MSRA: variants seen among roughly 807,000 people sequenced by gnomAD.
The protein encoded by MSRA is mitochondrial peptide methionine sulfoxide reductase.
In MSRA, 54 loss-of-function variants were observed where a neutral mutation model predicts 31.3. The observed-to-expected ratio is 1.73, with a 90% CI of 1.39 to 2.17. The LOEUF (loss-of-function observed/expected upper bound fraction) is 2.17. Ranked by LOEUF, MSRA falls within the 30% of genes most tolerant of loss-of-function variation. The pLI is 0.00. For synonymous variants in MSRA, 169 were observed against 116.5 expected, an observed-to-expected ratio of 1.45 and a Z score of -2.90; for missense variants, 507 against 300.9, an observed-to-expected ratio of 1.69 and a Z score of -5.07.
chr8:10,320,615 A>G (rs1220574367), intron 5 of MSRA, among the ~76,000 whole-genome samples: 5 of 151,334 alleles, frequency 3.3e-5, no homozygotes, highest in Admixed American at 6.6e-5. Flanking sequence ...TTCCCTCTGT[A>G]TTAGTTTTAC....
intron 2 of MSRA, among the ~76,000 whole-genome samples, chr8:10,208,447 T>A (rs1208420962): frequency 6.6e-6 from 1 of 152,214 alleles, no homozygotes; most frequent in Non-Finnish European, 1.5e-5. Context: ...TCTGTTAAAA[T>A]TCCAAACTGT....
intron 5 of MSRA, among the ~76,000 whole-genome samples, chr8:10,322,868 G>T (rs1397491328): frequency 6.6e-6 from 1 of 152,126 alleles, no homozygotes; most frequent in African/African-American, 2.4e-5. Context: ...GAAGTGGGCG[G>T]ATCATGAGGT....
At chr8:10,189,364 T>A (rs1807322993) in intron 1 of MSRA, among the ~76,000 whole-genome samples, 1 of 152,250 alleles carries the variant, frequency 6.6e-6, no homozygotes, top group African/African-American at 2.4e-5. Context: ...TTGAACTGAC[T>A]AGGACCTCAC....
In MSRA at chr8:10,422,815, G is replaced by T. The variant is rs569915090; in HGVS notation, c.544-5333G>T. 2.2e-3 allele frequency among the ~76,000 whole-genome samples: 333 copies of T among 152,312 alleles called. 2 individuals are homozygous for T. Among genetic ancestry groups the T allele is most frequent in the African/African-American group, 7.5e-3 (310 of 41,570 alleles). On this transcript the variant is annotated intron_variant, in intron 5 of 5. Coordinates refer to ENST00000317173, the MANE Select transcript of MSRA (RefSeq NM_012331.5). The stretch of plus-strand genomic sequence containing the variant: ...CAGAGGCAGGCCCTGGGGTTGAGCA[G>T]CAAGAGCACCTCTTTCCAGGCTTTT...
chr8:10,410,859 T>G (rs1382670525), intron 5 of MSRA, among the ~76,000 whole-genome samples: 1 of 152,252 alleles, frequency 6.6e-6, no homozygotes, highest in African/African-American at 2.4e-5. Flanking sequence ...ATAATTAGCT[T>G]ATGTTCTTGA....
At chr8:10,346,262 G>T (rs1309629448) in intron 5 of MSRA, among the ~76,000 whole-genome samples, 1 of 152,148 alleles carries the variant, frequency 6.6e-6, no homozygotes, top group Non-Finnish European at 1.5e-5. Context: ...GAAAATATGG[G>T]AGTATAGATT....
At chr8:10,252,397 T>C (rs1363749711) in intron 3 of MSRA, among the ~76,000 whole-genome samples, 2 of 152,180 alleles carry the variant, frequency 1.3e-5, no homozygotes, top group Admixed American at 6.5e-5. Context: ...TTCCTGTTTA[T>C]GATTTCTGTT....
At chr8:10,317,006 G>C (rs145616209) in intron 4 of MSRA, among the ~76,000 whole-genome samples, 1 of 152,294 alleles carries the variant, frequency 6.6e-6, no homozygotes, top group East Asian at 1.9e-4. Flanking sequence ...CTTTGGTGCA[G>C]CAGACTGTAA....
intron 5 of MSRA, 114 bp downstream of exon 5, chr8:10,320,103 T>G (rs1801964034): frequency 1.6e-6 from 1 of 641,074 alleles, no homozygotes; most frequent in African/African-American, 1.9e-5. Context: ...TATTTGCACA[T>G]CTCTTAGAAA....
intron 2 of MSRA, among the ~76,000 whole-genome samples, chr8:10,232,894 T>C (rs886991802): frequency 6.6e-6 from 1 of 152,262 alleles, no homozygotes; most frequent in African/African-American, 2.4e-5. Flanking sequence ...AATTTTGATA[T>C]GTTCTTTAAG....
chr8:10,328,542 G>A (rs919745836), intron 5 of MSRA, among the ~76,000 whole-genome samples: 8 of 151,988 alleles, frequency 5.3e-5, no homozygotes, highest in Non-Finnish European at 1.5e-5. Context: ...ATATTCCTCA[G>A]TGTACCTCGG....
intron 1 of MSRA, among the ~76,000 whole-genome samples, chr8:10,153,435 T>C (rs1310309938): frequency 6.6e-6 from 1 of 152,198 alleles, no homozygotes; most frequent in Non-Finnish European, 1.5e-5. Flanking sequence ...CGACCTATTT[T>C]TACTCCCTCA....
chr8:10,371,407 C>T (rs1196614674), intron 5 of MSRA, among the ~76,000 whole-genome samples: 1 of 152,128 alleles, frequency 6.6e-6, no homozygotes, highest in Admixed American at 6.5e-5. Context: ...TTCCCTGACC[C>T]CACATAGAAC....
intron 1 of MSRA, among the ~76,000 whole-genome samples, chr8:10,173,194 T>A (rs943814068): frequency 3.3e-5 from 5 of 152,250 alleles, no homozygotes; most frequent in Admixed American, 2.6e-4. Flanking sequence ...GACTATGTGA[T>A]CTTTAGCTTT....
intron 5 of MSRA, chr8:10,411,346 T>G (rs1350594823): frequency 2.6e-5 from 4 of 152,244 alleles, no homozygotes; most frequent in Non-Finnish European, 5.9e-5. Flanking sequence ...GACAAAAGCT[T>G]CTTTTCTCTC....
chr8:10,085,661 G>T (rs377723056), intron 1 of MSRA, among the ~76,000 whole-genome samples: 34 of 152,288 alleles, frequency 2.2e-4, no homozygotes, highest in African/African-American at 7.7e-4. Context: ...TTTTTAACAA[G>T]TTTGTACAGT....
At chr8:10,344,928 G>T (rs1451546918) in intron 5 of MSRA, among the ~76,000 whole-genome samples, 1 of 152,186 alleles carries the variant, frequency 6.6e-6, no homozygotes. Context: ...GTGATTCTGT[G>T]GGTTGGCTGC....
chr8:10,272,706 A>G (rs553793505), intron 3 of MSRA, among the ~76,000 whole-genome samples: 2 of 152,344 alleles, frequency 1.3e-5, no homozygotes, highest in East Asian at 1.9e-4. Flanking sequence ...TTCTACAGGA[A>G]AGCGTCCAAA....
chr8:10,411,968 T>C (rs1353664359), intron 5 of MSRA, among the ~76,000 whole-genome samples: 1 of 152,214 alleles, frequency 6.6e-6, no homozygotes, highest in Non-Finnish European at 1.5e-5. Context: ...TGGTTTTACT[T>C]TGTCCTTGAA....
Sources: gnomAD v4.1 joint callset for allele counts (sites outside exome capture counted in the v4.1 genomes callset) on GRCh38, gnomAD v4.1.1 for gene constraint, MANE v1.5 for transcripts, NCBI Gene and HGNC (gene_info 2026-07-23, HGNC 2026-07-21) for gene names.